Variants in FOCAD observed in about 807,000 individuals in gnomAD.
FOCAD encodes the protein focadhesin, also known as KIAA1797.
FOCAD carries 198 observed loss-of-function variants against 225.6 expected under a neutral mutation model. The ratio of observed to expected loss-of-function variants is 0.88; its 90% CI spans 0.78 to 0.99. The LOEUF (loss-of-function observed/expected upper bound fraction) is 0.99. FOCAD is among the 50% of genes least tolerant of loss of function. The probability of loss-of-function intolerance (pLI) is 0.00; values close to 1 mark genes in which losing one functional copy is unlikely to be tolerated. For missense variants in FOCAD, 2,713 were observed against 2,123.6 expected, an observed-to-expected ratio of 1.28 and a Z score of -5.46; for synonymous variants, 897 against 755.0, an observed-to-expected ratio of 1.19 and a Z score of -3.08.
At chr9:20,701,410 A>G (rs976414617) in intron 1 of FOCAD, among the ~76,000 whole-genome samples, 1 of 152,190 alleles carries the variant, frequency 6.6e-6, no homozygotes, top group African/African-American at 2.4e-5. Flanking sequence ...ACTCATTTGC[A>G]GTGGCATTGC....
intron 30 of FOCAD, 113 bp downstream of exon 30, chr9:20,946,933 T>G: frequency 7.6e-7 from 1 of 1,322,266 alleles, no homozygotes; most frequent in Non-Finnish European, 1.0e-6. Context: ...TGTCTAGAAC[T>G]GAGGAACTTC....
chr9:20,877,678 T>C (rs535642091), intron 19 of FOCAD, among the ~76,000 whole-genome samples: 1 of 152,260 alleles, frequency 6.6e-6, no homozygotes, highest in African/African-American at 2.4e-5. Flanking sequence ...CTGAAGTCTT[T>C]TGACAAAATC....
At chr9:20,821,639 A>T (rs970057263) in intron 14 of FOCAD, among the ~76,000 whole-genome samples, 1 of 152,130 alleles carries the variant, frequency 6.6e-6, no homozygotes, top group Non-Finnish European at 1.5e-5. Context: ...AGACTGAAAT[A>T]ATACAAGTCA....
rs1396806622 is a variant in FOCAD at position 20,820,426 on chromosome 9, G to A, written c.1662+1G>A. The stretch of plus-strand genomic sequence containing the variant: ...GCTGACATCTTTGTGGGAAAAGCAG[G>A]TAATTTCAGATATACACTTGCATGA... On this transcript the variant is annotated splice_donor_variant, in intron 13 of 43. Coordinates refer to ENST00000338382, the MANE Select transcript of FOCAD (RefSeq NM_001375567.1). LOFTEE classifies it high-confidence loss of function. The A allele has an allele frequency of 6.2e-7, 1 of 1,611,166 alleles. No individual in the cohort carries two copies. The highest frequency in any genetic ancestry group is 8.5e-7 in the Non-Finnish European group (1 of 1,178,136).
chr9:20,878,556 T>A (rs961643409), intron 19 of FOCAD, among the ~76,000 whole-genome samples: 2 of 152,186 alleles, frequency 1.3e-5, no homozygotes, highest in African/African-American at 2.4e-5. Flanking sequence ...ATTTCGCATA[T>A]CTCTTCCACT....
intron 15 of FOCAD, among the ~76,000 whole-genome samples, chr9:20,828,670 A>T (rs1222342743): frequency 6.6e-6 from 1 of 152,100 alleles, no homozygotes; most frequent in Non-Finnish European, 1.5e-5. Context: ...TGTGCAGGAT[A>T]TGCAGGTGTG....
At chr9:20,873,855 G>C (rs755267260) in intron 18 of FOCAD, 1 of 152,016 alleles carries the variant, frequency 6.6e-6, no homozygotes, top group Admixed American at 6.6e-5. Context: ...GTGATGACTG[G>C]ATTCTGGCAC....
chr9:20,881,989 A>T lies in FOCAD; in HGVS notation c.2436A>T (p.Gly812=), dbSNP rs753006601. The change falls in exon 20 of 44, where the codon GGA becomes GGT. Residue 812 remains glycine (G), a synonymous_variant. Coordinates refer to ENST00000338382, the MANE Select transcript of FOCAD (RefSeq NM_001375567.1). ...ARSDQGKTVA[G]IPNFILKMYE... is the part of the protein sequence containing the mutation. ...CAGACCAAGGAAAGACTGTAGCAGG[A>T]ATCCCCAATTTTATATTGAAAATGT... 6.2e-7 allele frequency: 1 copy of T among 1,613,988 alleles called. No homozygotes were observed. Among genetic ancestry groups the T allele is most frequent in the Non-Finnish European group, 8.5e-7 (1 of 1,179,896 alleles).
At chr9:20,679,142 TG>T (rs1383577355) in intron 2 of FOCAD, among the ~76,000 whole-genome samples, 1 of 141,800 alleles carries the variant, frequency 7.1e-6, no homozygotes, top group African/African-American at 3.0e-5. Context: ...TGTGTGTGTG[TG>T]TGTGTGTGTG....
chr9:20,954,294 G>C (rs1837944725), intron 35 of FOCAD, among the ~76,000 whole-genome samples: 2 of 152,046 alleles, frequency 1.3e-5, no homozygotes, highest in Admixed American at 6.6e-5. Flanking sequence ...GGCTTCATTA[G>C]GAGAAAATTC....
intron 11 of FOCAD, among the ~76,000 whole-genome samples, chr9:20,817,815 T>G (rs1220273306): frequency 5.9e-5 from 9 of 152,218 alleles, no homozygotes; most frequent in Admixed American, 5.9e-4. Flanking sequence ...TTTCCACTTT[T>G]TGGCCATTGT....
chr9:20,907,154 A>G lies in FOCAD; in HGVS notation c.2630A>G (p.His877Arg). ...TGTGGTACATTTTTCCCATAGGTTC[A>G]TATCCAGCTTTCAGAGTGGCACCGT... is the stretch of plus-strand genomic sequence containing the variant. Reference protein sequence around the residue: ...QTSLALVHEVHIQLSEWHRAI... With the variant: ...QTSLALVHEVRIQLSEWHRAI... Residue 877 changes from histidine to arginine, a missense_variant, in exon 22 of 44, where the codon CAT becomes CGT. His to Arg is a conservative substitution (Grantham distance 29). Transcript: ENST00000338382. 1.2e-6 allele frequency: 2 copies of G among 1,612,588 alleles called. No homozygotes were observed.
chr9:20,756,834 A>T (rs1046541520), intron 5 of FOCAD, among the ~76,000 whole-genome samples: 2 of 152,146 alleles, frequency 1.3e-5, no homozygotes, highest in African/African-American at 4.8e-5. Flanking sequence ...ATTGCTGGAG[A>T]TATATTAAAA....
At chr9:20,787,437 A>G (rs1425753231) in intron 10 of FOCAD, among the ~76,000 whole-genome samples, 1 of 152,200 alleles carries the variant, frequency 6.6e-6, no homozygotes, top group Non-Finnish European at 1.5e-5. Context: ...GATAGCTGGC[A>G]TGGCTATCCT....
chr9:20,694,889 G>A (rs995994098), intron 1 of FOCAD, among the ~76,000 whole-genome samples: 9 of 152,116 alleles, frequency 5.9e-5, no homozygotes, highest in Admixed American at 5.9e-4. Flanking sequence ...TCTCAGTTGG[G>A]CCAAGATTGT....
chr9:20,868,945 A>G (rs1430295658), intron 18 of FOCAD, among the ~76,000 whole-genome samples: 1 of 152,116 alleles, frequency 6.6e-6, no homozygotes, highest in African/African-American at 2.4e-5. Flanking sequence ...GCTACATTTC[A>G]GTTTGGCTGT....
chr9:20,952,984 G>A lies in FOCAD; in HGVS notation c.4052-1G>A, dbSNP rs770682096. On this transcript the variant is annotated splice_acceptor_variant, in intron 34 of 43. Coordinates refer to ENST00000338382, the MANE Select transcript of FOCAD (RefSeq NM_001375567.1). LOFTEE classifies it high-confidence loss of function. ...AATTTGATCATTTTCTGTCTCCACA[G>A]TTCCTACTGACTATAGCTACTTGCC... 2 of 1,612,736 alleles carry A rather than the reference G, an allele frequency of 1.2e-6. No individual in the cohort carries two copies. The highest frequency in any genetic ancestry group is 1.7e-6 in the Non-Finnish European group (2 of 1,179,092).
chr9:20,831,211 A>G (rs771151232), intron 15 of FOCAD, among the ~76,000 whole-genome samples: 1 of 152,044 alleles, frequency 6.6e-6, no homozygotes, highest in South Asian at 2.1e-4. Flanking sequence ...GTTCCCAAAG[A>G]TGTTCAAATA....
intron 2 of FOCAD, among the ~76,000 whole-genome samples, chr9:20,666,852 C>T (rs1344899400): frequency 6.6e-6 from 1 of 151,980 alleles, no homozygotes; most frequent in Admixed American, 6.6e-5. Flanking sequence ...GAACATTCTA[C>T]AATATTAGAC....
Sources: allele counts gnomAD v4.1 joint callset (sites outside exome capture counted in the v4.1 genomes callset), GRCh38; gene constraint gnomAD v4.1.1; transcripts MANE v1.5; gene names NCBI Gene and HGNC (gene_info 2026-07-23, HGNC 2026-07-21).